Variants in CADPS2 observed in about 807,000 individuals in gnomAD.
CADPS2 encodes calcium-dependent secretion activator 2.
CADPS2 carries 93 observed loss-of-function variants against 172.5 expected under a neutral mutation model. That is an observed-to-expected ratio of 0.54 (90% confidence interval 0.46 to 0.64). CADPS2 has a LOEUF of 0.64. Ranked by LOEUF, CADPS2 falls within the 30% of genes least tolerant of loss-of-function variation. The pLI, the probability that CADPS2 is intolerant of heterozygous loss-of-function variation, is 0.00. For missense variants in CADPS2, 1,420 were observed against 1,565.9 expected, an observed-to-expected ratio of 0.91 and a Z score of 1.57; for synonymous variants, 546 against 555.2, an observed-to-expected ratio of 0.98 and a Z score of 0.23.
At chr7:122,515,626 T>G (rs2060300950) in intron 8 of CADPS2, among the ~76,000 whole-genome samples, 1 of 152,070 alleles carries the variant, frequency 6.6e-6, no homozygotes, top group Non-Finnish European at 1.5e-5. Context: ...CTTTGCAGAC[T>G]GTTGGGCAAC....
chr7:122,769,625 A>C (rs986678070), intron 1 of CADPS2, among the ~76,000 whole-genome samples: 3 of 152,208 alleles, frequency 2.0e-5, no homozygotes, highest in Non-Finnish European at 4.4e-5. Flanking sequence ...CCATTTTCTC[A>C]AGTCTCTTAG....
chr7:122,524,842 C>T (rs6960107), intron 8 of CADPS2, among the ~76,000 whole-genome samples: 2,369 of 152,160 alleles, frequency 0.016, 60 homozygotes, highest in African/African-American at 0.051. Context: ...ATTTTTACTA[C>T]GTATCTATAA....
At chr7:122,753,564 G>A (rs1399194731) in intron 1 of CADPS2, among the ~76,000 whole-genome samples, 3 of 152,084 alleles carry the variant, frequency 2.0e-5, no homozygotes, top group African/African-American at 7.2e-5. Context: ...TGATATTTTG[G>A]GAAAAGTACA....
At chr7:122,777,675 T>TTTATAA (rs1191239499) in intron 1 of CADPS2, among the ~76,000 whole-genome samples, 1 of 152,000 alleles carries the variant, frequency 6.6e-6, no homozygotes, top group African/African-American at 2.4e-5. Flanking sequence ...ATCTGATGGT[T>TTTATAA]TTATAATAGG....
At position 122,332,608 on chromosome 7, in the gene CADPS2, T is replaced by C. The variant is rs1046288771; in HGVS notation, c.3613-7027A>G. 3.3e-5 allele frequency among the ~76,000 whole-genome samples: 5 copies of C among 152,150 alleles called. No individual in the cohort carries two copies. The South Asian group carries it at 8.3e-4, about 25-fold the overall frequency. ...AAATAGGCACCTAATAAATGCTTGT[T>C]GAATGCTGAAAAACTTTCCTATCTT... On this transcript the variant is annotated intron_variant, in intron 28 of 29. Transcript: ENST00000449022.
At chr7:122,844,734 G>C (rs1811504875) in intron 1 of CADPS2, among the ~76,000 whole-genome samples, 1 of 152,154 alleles carries the variant, frequency 6.6e-6, no homozygotes, top group Non-Finnish European at 1.5e-5. Context: ...AGTCACATCA[G>C]ATAAAGGACA....
intron 5 of CADPS2, among the ~76,000 whole-genome samples, chr7:122,621,156 C>G (rs2075566416): frequency 6.6e-6 from 1 of 152,052 alleles, no homozygotes; most frequent in African/African-American, 2.4e-5. Flanking sequence ...CTCGCCTCGG[C>G]CTCCCAAAGT....
intron 6 of CADPS2, among the ~76,000 whole-genome samples, chr7:122,609,512 T>C (rs1375196024): frequency 6.6e-6 from 1 of 152,026 alleles, no homozygotes; most frequent in Non-Finnish European, 1.5e-5. Context: ...AACTGAAAAA[T>C]ACAGTTTATC....
rs138385796 is a variant in CADPS2 at position 122,686,586 on chromosome 7, G to C, written c.454-23017C>G. ...AATTTGCATTTCTAACAAGTTCCCA[G>C]GTGATGCTGAGGCTGCTCGAAGATG... On this transcript the variant is annotated intron_variant, in intron 2 of 29. Transcript: ENST00000449022. Among the ~76,000 whole-genome samples the C allele has an allele frequency of 7.6e-3, 1,158 of 152,312 alleles. 9 individuals are homozygous for C. Among genetic ancestry groups the C allele is most frequent in the Middle Eastern group, 0.02 (6 of 294 alleles).
intron 25 of CADPS2, 24 bp from the exon 26 acceptor site, chr7:122,361,037 T>G: frequency 6.3e-7 from 1 of 1,580,356 alleles, no homozygotes; most frequent in Non-Finnish European, 8.7e-7. Context: ...ATAGTGAGTA[T>G]TTAGAATGTT....
At chr7:122,706,772 G>A (rs1216315823) in intron 2 of CADPS2, among the ~76,000 whole-genome samples, 9 of 146,374 alleles carry the variant, frequency 6.1e-5, no homozygotes, top group Middle Eastern at 3.7e-3. Flanking sequence ...TAAAATGTAT[G>A]TGTGTGTGTG....
At chr7:122,320,762 G>T (rs920271342) in intron 29 of CADPS2, among the ~76,000 whole-genome samples, 1 of 151,766 alleles carries the variant, frequency 6.6e-6, no homozygotes, top group African/African-American at 2.4e-5. Flanking sequence ...AATTTTGAGG[G>T]GTCAGTTGTG....
intron 27 of CADPS2, among the ~76,000 whole-genome samples, chr7:122,345,973 T>C (rs1465893029): frequency 6.7e-6 from 1 of 148,556 alleles, no homozygotes; most frequent in Non-Finnish European, 1.5e-5. Context: ...TCAAGCAGTA[T>C]AAATGAATAA....
intron 2 of CADPS2, among the ~76,000 whole-genome samples, chr7:122,729,291 C>T (rs2091415937): frequency 1.3e-5 from 2 of 151,728 alleles, no homozygotes; most frequent in Admixed American, 1.3e-4. Context: ...AGGTTGATTC[C>T]ACATCTTTGC....
intron 1 of CADPS2, among the ~76,000 whole-genome samples, chr7:122,775,890 T>C (rs1315087950): frequency 1.3e-5 from 2 of 152,212 alleles, no homozygotes; most frequent in Non-Finnish European, 2.9e-5. Context: ...AGTTTCAATG[T>C]CTGCTGTGAT....
intron 1 of CADPS2, among the ~76,000 whole-genome samples, chr7:122,790,559 AACAGGAACT>A (rs1449372494): frequency 6.6e-6 from 1 of 152,188 alleles, no homozygotes; most frequent in South Asian, 2.1e-4. Flanking sequence ...ATAAATTTAA[AACAGGAACT>A]ACAGGACTTA....
intron 1 of CADPS2, among the ~76,000 whole-genome samples, chr7:122,771,445 A>C (rs1478186422): frequency 6.6e-6 from 1 of 152,168 alleles, no homozygotes; most frequent in Non-Finnish European, 1.5e-5. Flanking sequence ...CCATCCTATC[A>C]CCCAACAAAT....
At chr7:122,520,343 G>GTT (rs143024731) in intron 8 of CADPS2, among the ~76,000 whole-genome samples, 11 of 147,124 alleles carry the variant, frequency 7.5e-5, no homozygotes, top group Admixed American at 4.1e-4. Context: ...GAATGTGTGT[G>GTT]TTTTTTTTTT....
chr7:122,693,792 C>T (rs1488707890), intron 2 of CADPS2, among the ~76,000 whole-genome samples: 1 of 152,056 alleles, frequency 6.6e-6, no homozygotes, highest in African/African-American at 2.4e-5. Flanking sequence ...CCCAACTCTA[C>T]TAAAAGTAAA....
Sources: gnomAD v4.1 joint callset for allele counts (sites outside exome capture counted in the v4.1 genomes callset) on GRCh38, gnomAD v4.1.1 for gene constraint, MANE v1.5 for transcripts, NCBI Gene and HGNC (gene_info 2026-07-23, HGNC 2026-07-21) for gene names.